ZNF69: variants seen among roughly 807,000 people sequenced by gnomAD.
ZNF69 encodes zinc finger protein 69.
ZNF69 carries 47 observed loss-of-function variants against 50.9 expected under a neutral mutation model. That is an observed-to-expected ratio of 0.92 (90% confidence interval 0.73 to 1.18). The LOEUF (loss-of-function observed/expected upper bound fraction) is 1.18, where lower values mean the gene tolerates loss of function less well. Among genes scored for constraint, ZNF69 ranks in the 50% most tolerant of loss-of-function variants. ZNF69 has a pLI of 0.00. For synonymous variants in ZNF69, 216 were observed against 223.1 expected (o/e 0.97, Z 0.29); for missense variants, 717 against 675.1 (o/e 1.06, Z -0.69).
chr19:11,902,921 AATACATTTCCT>A (rs1450528036), intron 1 of ZNF69, among the ~76,000 whole-genome samples: 1 of 152,148 alleles, frequency 6.6e-6, no homozygotes, highest in Non-Finnish European at 1.5e-5. Flanking sequence ...GGGTTCGGTA[AATACATTTCCT>A]ATCCTGCTGT....
At chr19:11,953,431 T>C in the ZNF69 span, 2 of 152,296 alleles carry the variant, frequency 1.3e-5, no homozygotes, top group East Asian at 3.9e-4. Flanking sequence ...GGCCACTAAT[T>C]TTAGAAGGCA....
At chr19:11,928,450 G>GTAGTCTTACTACAGAGATCAGTA in the ZNF69 span, among the ~76,000 whole-genome samples, 1 of 151,992 alleles carries the variant, frequency 6.6e-6, no homozygotes, top group African/African-American at 2.4e-5. Context: ...AGTAGTCTCT[G>GTAGTCTTACTACAGAGATCAGTA]GGCCGGGCGC....
the ZNF69 span, chr19:11,953,048 C>T: frequency 6.6e-6 from 1 of 152,118 alleles, no homozygotes; most frequent in Non-Finnish European, 1.5e-5. Context: ...CACTCTCTAG[C>T]CTGATCAACA....
the ZNF69 span, chr19:11,979,132 C>T: frequency 0.018 from 29,127 of 1,610,108 alleles, 314 homozygotes; most frequent in African/African-American, 0.027. Context: ...TGGGAAAGGC[C>T]TTTATTCTGC....
At chr19:11,929,941 C>A in the ZNF69 span, among the ~76,000 whole-genome samples, 139 of 148,356 alleles carry the variant, frequency 9.4e-4, 6 homozygotes, top group Non-Finnish European at 1.5e-3. Context: ...TTTATGGAAA[C>A]TTTGCAGGGT....
chr19:11,891,461 G>A (rs1977086592), intron 1 of ZNF69, among the ~76,000 whole-genome samples: 1 of 151,420 alleles, frequency 6.6e-6, no homozygotes. Flanking sequence ...AAGGAAGGAA[G>A]GAAGAGAGTG....
At chr19:11,921,098 C>A in the ZNF69 span, among the ~76,000 whole-genome samples, 1 of 152,178 alleles carries the variant, frequency 6.6e-6, no homozygotes, top group Non-Finnish European at 1.5e-5. Context: ...ATATATTGGT[C>A]TCAAACATTG....
the ZNF69 span, chr19:11,939,860 A>G: frequency 6.6e-6 from 1 of 152,346 alleles, no homozygotes; most frequent in South Asian, 2.1e-4. Context: ...TGACAAATCT[A>G]CATAAGTTCT....
the ZNF69 span, chr19:11,977,299 A>G: frequency 6.2e-7 from 1 of 1,605,678 alleles, no homozygotes; most frequent in Non-Finnish European, 8.5e-7. Flanking sequence ...AGTAAATCAT[A>G]GACATAGAAT....
At chr19:11,966,833 G>A in the ZNF69 span, among the ~76,000 whole-genome samples, 2 of 152,144 alleles carry the variant, frequency 1.3e-5, no homozygotes, top group African/African-American at 4.8e-5. Context: ...AGCTGGAAGA[G>A]TTTATTCAAG....
At chr19:11,948,887 A>G in the ZNF69 span, 4 of 1,603,302 alleles carry the variant, frequency 2.5e-6, no homozygotes, top group South Asian at 1.1e-5. Context: ...AAAGCATTTC[A>G]TAGTTCTAGT....
the ZNF69 span, among the ~76,000 whole-genome samples, chr19:11,966,288 A>C: frequency 6.6e-6 from 1 of 152,182 alleles, no homozygotes; most frequent in Non-Finnish European, 1.5e-5. Flanking sequence ...CCATCCTGTC[A>C]TACAGAGGCA....
chr19:11,926,230 A>G, the ZNF69 span, among the ~76,000 whole-genome samples: 13 of 152,312 alleles, frequency 8.5e-5, no homozygotes, highest in Non-Finnish European at 1.3e-4. Context: ...TTCTTGCCAC[A>G]AGCAGTCTGT....
In ZNF69 at chr19:11,903,951, C is replaced by A. The variant is rs761628267; in HGVS notation, c.237C>A (p.Pro79=). 1 of 1,613,842 alleles carries A rather than the reference C, an allele frequency of 6.2e-7. No homozygotes were observed. Among genetic ancestry groups the A allele is most frequent in the Non-Finnish European group, 8.5e-7 (1 of 1,179,820 alleles). The stretch of plus-strand genomic sequence containing the variant: ...ACATTGAATATGAGTACCAAAACCC[C>A]AGGAGAAACTTCAGGTAATTTGTAC... ...DQNIEYEYQN[P]RRNFRSLIEK... The change falls in exon 3 of 4, where the codon CCC becomes CCA. Residue 79 remains proline, a synonymous_variant. Transcript: ENST00000429654.
the ZNF69 span, among the ~76,000 whole-genome samples, chr19:11,977,945 A>G: frequency 1.3e-5 from 2 of 152,170 alleles, no homozygotes; most frequent in African/African-American, 2.4e-5. Flanking sequence ...TTTTTAAACA[A>G]TAGGTATGAC....
chr19:11,908,121 ACTAT>A (rs1040228593), downstream of ZNF69, among the ~76,000 whole-genome samples: 6 of 152,246 alleles, frequency 3.9e-5, no homozygotes, highest in African/African-American at 1.4e-4. Flanking sequence ...AGAAGAGCTA[ACTAT>A]CCTAAATATT....
intron 1 of ZNF69, among the ~76,000 whole-genome samples, chr19:11,889,515 G>A (rs1163572906): frequency 2.0e-5 from 3 of 152,138 alleles, no homozygotes; most frequent in Non-Finnish European, 1.5e-5. Context: ...ACTCAGGCTG[G>A]AGTGCAATGG....
downstream of ZNF69, among the ~76,000 whole-genome samples, chr19:11,914,755 A>G (rs923059910): frequency 6.6e-6 from 1 of 152,184 alleles, no homozygotes; most frequent in Non-Finnish European, 1.5e-5. Flanking sequence ...TAAGATCAAA[A>G]TCCAGGCACC....
chr19:11,935,229 T>A, the ZNF69 span, among the ~76,000 whole-genome samples: 1 of 139,388 alleles, frequency 7.2e-6, no homozygotes. Flanking sequence ...CTTGGAAAGA[T>A]CTTGTTTTTT....
Sources: gnomAD v4.1 joint callset for allele counts (sites outside exome capture counted in the v4.1 genomes callset) on GRCh38, gnomAD v4.1.1 for gene constraint, MANE v1.5 for transcripts, NCBI Gene and HGNC (gene_info 2026-07-23, HGNC 2026-07-21) for gene names.